The following OPCML variants were observed in gnomAD, a reference collection of about 807,000 sequenced individuals.
OPCML encodes opioid binding protein/cell adhesion molecule like.
Under a neutral mutation model 37.8 loss-of-function variants are expected in OPCML, and 13 were observed. The observed-to-expected ratio is 0.34, with a 90% CI of 0.22 to 0.55. OPCML has a LOEUF of 0.55. Among genes scored for constraint, OPCML ranks in the 20% least tolerant of loss-of-function variants. The pLI is 0.91. For missense variants in OPCML, 341 were observed against 435.6 expected, an observed-to-expected ratio of 0.78 and a Z score of 1.93; for synonymous variants, 176 against 168.8, an observed-to-expected ratio of 1.04 and a Z score of -0.33.
intron 1 of OPCML, among the ~76,000 whole-genome samples, chr11:133,089,515 A>G (rs1948872030): frequency 6.6e-6 from 1 of 152,232 alleles, no homozygotes; most frequent in Non-Finnish European, 1.5e-5. Context: ...ACCAGGCAAT[A>G]GCAACATACT....
chr11:132,954,683 C>T (rs1945940124), intron 1 of OPCML, among the ~76,000 whole-genome samples: 1 of 152,176 alleles, frequency 6.6e-6, no homozygotes, highest in Non-Finnish European at 1.5e-5. Flanking sequence ...TGTTTACAGT[C>T]ATAGATTTTG....
At chr11:132,489,068 C>T (rs1308181392) in intron 4 of OPCML, among the ~76,000 whole-genome samples, 1 of 152,214 alleles carries the variant, frequency 6.6e-6, no homozygotes, top group Non-Finnish European at 1.5e-5. Flanking sequence ...ACACATTATA[C>T]AGCTGTACAA....
rs1003561898 is a variant in OPCML, at chr11:132,648,448, C to T, written c.379+8639G>A. 7.9e-5 allele frequency among the ~76,000 whole-genome samples: 12 copies of T among 152,120 alleles called. No homozygotes were observed. The East Asian group carries it at 1.5e-3, about 20-fold the overall frequency. ...GTGATGATTTTGAGAACAGGCATTA[C>T]GACTGTTCCGTTTATTTAATTCTAT... On this transcript the variant is annotated intron_variant, in intron 3 of 7. Transcript: ENST00000524381.
At chr11:133,282,036 T>G (rs949599031) in intron 1 of OPCML, among the ~76,000 whole-genome samples, 9 of 152,044 alleles carry the variant, frequency 5.9e-5, no homozygotes, top group Non-Finnish European at 1.2e-4. Flanking sequence ...AAAAAAAACT[T>G]AAACTAGTAA....
chr11:133,517,935 G>A (rs1948317991), intron 1 of OPCML, among the ~76,000 whole-genome samples: 2 of 151,598 alleles, frequency 1.3e-5, no homozygotes, highest in Admixed American at 1.3e-4. Context: ...GGATGACTGG[G>A]GTCCTAAATT....
intron 1 of OPCML, among the ~76,000 whole-genome samples, chr11:133,080,087 G>C (rs1342029499): frequency 1.3e-5 from 2 of 152,134 alleles, no homozygotes; most frequent in South Asian, 2.1e-4. Context: ...TCTATGAATA[G>C]GGTCCCCACT....
rs34681592 is a variant in OPCML at position 133,333,046 on chromosome 11, CTAG to C, written c.61+199215_61+199217del. ...TAATCTTTTAGTAGTAGTAGTAGTACTAGTAGTAGTAGTAGTAGTAGTAGTATC... is the reference window on the plus strand; with the variant it reads ...TAATCTTTTAGTAGTAGTAGTAGTACTAGTAGTAGTAGTAGTAGTAGTATC... On this transcript the variant is annotated intron_variant, in intron 1 of 7. Coordinates refer to ENST00000524381, the MANE Select transcript of OPCML (RefSeq NM_001012393.5). Among the ~76,000 whole-genome samples the C allele has an allele frequency of 4.6e-3, 689 of 151,172 alleles. 4 individuals are homozygous for C. Among genetic ancestry groups the C allele is most frequent in the African/African-American group, 0.015 (612 of 41,210 alleles).
intron 1 of OPCML, among the ~76,000 whole-genome samples, chr11:133,396,275 A>G (rs11223464): frequency 0.31 from 47,176 of 151,922 alleles, 9,769 homozygotes; most frequent in African/African-American, 0.59. Flanking sequence ...TTGTAAATTT[A>G]CTTATTAGTT....
intron 2 of OPCML, among the ~76,000 whole-genome samples, chr11:132,724,039 CA>C (rs1190926044): frequency 1.3e-5 from 2 of 152,048 alleles, no homozygotes; most frequent in African/African-American, 2.4e-5. Flanking sequence ...AATAGCTGAG[CA>C]GGGGTACATA....
intron 1 of OPCML, among the ~76,000 whole-genome samples, chr11:133,070,343 T>A (rs969816482): frequency 4.6e-5 from 7 of 152,184 alleles, no homozygotes; most frequent in African/African-American, 1.7e-4. Flanking sequence ...CTTGTCCCTG[T>A]TCTGTCTAAA....
chr11:132,985,927 G>A (rs1946675943), intron 1 of OPCML, among the ~76,000 whole-genome samples: 1 of 152,066 alleles, frequency 6.6e-6, no homozygotes, highest in Admixed American at 6.6e-5. Flanking sequence ...TTTTTCACAA[G>A]TTTTTCTTTC....
chr11:132,549,967 T>A (rs1336188891), intron 3 of OPCML, among the ~76,000 whole-genome samples: 1 of 152,160 alleles, frequency 6.6e-6, no homozygotes, highest in African/African-American at 2.4e-5. Context: ...TACATTTTCC[T>A]GGTGCTCGAT....
At chr11:133,472,016 T>A (rs1287546855) in intron 1 of OPCML, among the ~76,000 whole-genome samples, 2 of 152,234 alleles carry the variant, frequency 1.3e-5, no homozygotes, top group East Asian at 3.9e-4. Flanking sequence ...ACTTTGTGCT[T>A]TGACAGACCC....
chr11:133,200,847 A>C (rs1938749221), intron 1 of OPCML, among the ~76,000 whole-genome samples: 1 of 152,222 alleles, frequency 6.6e-6, no homozygotes, highest in Non-Finnish European at 1.5e-5. Flanking sequence ...TCATTGTAGC[A>C]CTATTCACAA....
At chr11:132,439,906 G>C (rs977030825) in intron 4 of OPCML, among the ~76,000 whole-genome samples, 1 of 152,182 alleles carries the variant, frequency 6.6e-6, no homozygotes, top group African/African-American at 2.4e-5. Flanking sequence ...TTTCCTTAGA[G>C]AGAAGAAAGA....
At chr11:132,566,709 C>T (rs146034158) in intron 3 of OPCML, among the ~76,000 whole-genome samples, 4 of 152,230 alleles carry the variant, frequency 2.6e-5, no homozygotes, top group Admixed American at 6.5e-5. Flanking sequence ...TTTATCACTG[C>T]GAGGTGTCTT....
At chr11:132,547,356 G>A (rs960462649) in intron 3 of OPCML, among the ~76,000 whole-genome samples, 5 of 152,116 alleles carry the variant, frequency 3.3e-5, no homozygotes, top group African/African-American at 4.8e-5. Context: ...GAGGGTGGGC[G>A]AATCAAGAGT....
At chr11:133,382,887 AG>A (rs1389096453) in intron 1 of OPCML, among the ~76,000 whole-genome samples, 1 of 152,154 alleles carries the variant, frequency 6.6e-6, no homozygotes, top group East Asian at 1.9e-4. Context: ...GTTAGCTCCT[AG>A]ATAGCTTTTC....
chr11:132,761,059 C>A (rs1257644824), intron 2 of OPCML, among the ~76,000 whole-genome samples: 1 of 152,006 alleles, frequency 6.6e-6, no homozygotes. Flanking sequence ...GCTTATGAAG[C>A]TTAGTTTGGT....
Sources: gnomAD v4.1 joint callset for allele counts (sites outside exome capture counted in the v4.1 genomes callset) on GRCh38, gnomAD v4.1.1 for gene constraint, MANE v1.5 for transcripts, NCBI Gene and HGNC (gene_info 2026-07-23, HGNC 2026-07-21) for gene names.